Variants in DPPA2 observed in about 807,000 individuals in gnomAD.
The protein encoded by DPPA2 is developmental pluripotency-associated protein 2.
DPPA2 carries 26 observed loss-of-function variants against 36.2 expected under a neutral mutation model. That is an observed-to-expected ratio of 0.72 (90% CI 0.53 to 1.00). The LOEUF (loss-of-function observed/expected upper bound fraction) is 1.00, where lower values mean the gene tolerates loss of function less well. Ranked by LOEUF, DPPA2 falls within the 50% of genes least tolerant of loss-of-function variation. The pLI is 0.00. For missense variants in DPPA2, 361 were observed against 365.1 expected (o/e 0.99, Z 0.09); for synonymous variants, 113 against 123.2 (o/e 0.92, Z 0.55).
chr3:109,304,441 G>A (rs763914726), intron 7 of DPPA2, 34 bp downstream of exon 7: 8 of 1,551,852 alleles, frequency 5.2e-6, no homozygotes, highest in Admixed American at 2.0e-5. Flanking sequence ...CTACTTTTCT[G>A]TGTGCCATGC....
chr3:109,300,675 A>T (rs1252194966), intron 7 of DPPA2, among the ~76,000 whole-genome samples: 1 of 152,004 alleles, frequency 6.6e-6, no homozygotes, highest in African/African-American at 2.4e-5. Flanking sequence ...TACAAAAATT[A>T]GCCGGTCATG....
chr3:109,295,038 C>CA (rs1054421385), intron 8 of DPPA2, among the ~76,000 whole-genome samples: 2 of 151,800 alleles, frequency 1.3e-5, no homozygotes, highest in East Asian at 3.9e-4. Flanking sequence ...AACAAAAAAC[C>CA]AAAAAACTGT....
intron 8 of DPPA2, chr3:109,295,356 C>T (rs1420488930): frequency 1.3e-5 from 2 of 151,550 alleles, no homozygotes; most frequent in African/African-American, 4.8e-5. Context: ...CTCGTCTCTA[C>T]TGAAAGTACA....
chr3:109,297,365 A>G (rs980401683), intron 8 of DPPA2, among the ~76,000 whole-genome samples: 2 of 152,100 alleles, frequency 1.3e-5, no homozygotes, highest in Non-Finnish European at 2.9e-5. Flanking sequence ...CTCTACTGAA[A>G]ATACAAAAAT....
chr3:109,310,719 T>C (rs1189823937), intron 3 of DPPA2, among the ~76,000 whole-genome samples: 2 of 151,952 alleles, frequency 1.3e-5, no homozygotes, highest in African/African-American at 2.4e-5. Flanking sequence ...TTGGCCAGGC[T>C]GGTCTCGAAC....
intron 3 of DPPA2, among the ~76,000 whole-genome samples, chr3:109,310,796 A>G (rs755792992): frequency 5.3e-5 from 8 of 150,254 alleles, no homozygotes; most frequent in Admixed American, 2.0e-4. Context: ...GAGCCACCGC[A>G]CCCAGCTTGC....
chr3:109,299,588 A>G (rs939938148), intron 8 of DPPA2, among the ~76,000 whole-genome samples: 1 of 151,372 alleles, frequency 6.6e-6, no homozygotes, highest in African/African-American at 2.4e-5. Flanking sequence ...TGGGAGGCGG[A>G]GGCAGGCGAA....
At chr3:109,296,315 A>T (rs1218328046) in intron 8 of DPPA2, among the ~76,000 whole-genome samples, 1 of 152,228 alleles carries the variant, frequency 6.6e-6, no homozygotes, top group Non-Finnish European at 1.5e-5. Context: ...GAACAAAGGT[A>T]AGAATTACAT....
chr3:109,300,922 AG>A (rs893304319), intron 7 of DPPA2, among the ~76,000 whole-genome samples: 2 of 151,762 alleles, frequency 1.3e-5, no homozygotes, highest in African/African-American at 4.8e-5. Context: ...TACTAAATAA[AG>A]GAAAAGGGTT....
At chr3:109,298,943 G>C (rs925758834) in intron 8 of DPPA2, among the ~76,000 whole-genome samples, 25 of 152,044 alleles carry the variant, frequency 1.6e-4, no homozygotes, top group Non-Finnish European at 2.9e-4. Context: ...CTACTTGGGA[G>C]GCTGAGGTGA....
intron 7 of DPPA2, among the ~76,000 whole-genome samples, chr3:109,303,404 CT>C (rs1196951124): frequency 2.7e-5 from 4 of 146,890 alleles, no homozygotes; most frequent in African/African-American, 1.0e-4. Context: ...GAGTTTCACT[CT>C]TGTTGCCCAG....
chr3:109,307,253 G>C (rs1036761270), intron 6 of DPPA2, among the ~76,000 whole-genome samples: 1 of 151,962 alleles, frequency 6.6e-6, no homozygotes, highest in African/African-American at 2.4e-5. Flanking sequence ...ACAGGCATGA[G>C]CCACCAAGCT....
chr3:109,310,285 C>CT (rs1451410672), intron 3 of DPPA2, among the ~76,000 whole-genome samples: 1 of 146,964 alleles, frequency 6.8e-6, no homozygotes, highest in Non-Finnish European at 1.5e-5. Context: ...ACCTGCAATC[C>CT]CAGCTCCAGC....
chr3:109,295,194 T>C (rs1317094913), intron 8 of DPPA2: 3 of 151,972 alleles, frequency 2.0e-5, no homozygotes, highest in Non-Finnish European at 4.4e-5. Flanking sequence ...TTGTTTCTAT[T>C]TGGTATTTGT....
chr3:109,309,225 C>G lies in DPPA2; in HGVS notation c.287G>C (p.Cys96Ser), dbSNP rs769621453. 3 of 1,614,182 alleles carry G rather than the reference C, an allele frequency of 1.9e-6. No homozygotes were observed. ...PTILPPINKVCRDTLRDWCQQ... is the reference protein window; with the variant it reads ...PTILPPINKVSRDTLRDWCQQ... ...ACACCAGTCCCGCAAAGTGTCCCGACACACCTTATTAATGGGAGGCAAAAT... is the reference window on the plus strand; with the variant it reads ...ACACCAGTCCCGCAAAGTGTCCCGAGACACCTTATTAATGGGAGGCAAAAT... The change falls in exon 4 of 9, where the codon TGT becomes TCT. Residue 96 changes from cysteine (C) to serine (S), a missense_variant. Physicochemically the swap from Cys to Ser is moderately radical, Grantham distance 112. Coordinates refer to ENST00000478945, the MANE Select transcript of DPPA2 (RefSeq NM_138815.4).
rs772864990 is a variant in DPPA2 at position 109,304,697 on chromosome 3, G to A, written c.659-27C>T. 17 of 1,550,946 alleles carry A rather than the reference G, an allele frequency of 1.1e-5. No homozygotes were observed. In the South Asian group the frequency reaches 2.1e-4, roughly 19 times the overall value. Reference sequence around the variant, plus strand: ...TGGAAAGGAAAAACAAATATAGACAGCAAAAATCAAGATAGCACCCCAACA... The same window carrying A: ...TGGAAAGGAAAAACAAATATAGACAACAAAAATCAAGATAGCACCCCAACA... On this transcript the variant is annotated intron_variant, in intron 6 of 8. Coordinates refer to ENST00000478945, the MANE Select transcript of DPPA2 (RefSeq NM_138815.4).
At chr3:109,314,620 CT>C in intron 1 of DPPA2, 65 bp from the exon 2 acceptor site, 1 of 1,452,448 alleles carries the variant, frequency 6.9e-7, no homozygotes, top group East Asian at 2.3e-5. Flanking sequence ...CTGCTTTCTC[CT>C]TTTATAAGCA....
rs1416427598 is a variant in DPPA2, at chr3:109,312,696, G to GA, written c.34-5dup. 4 of 1,612,586 alleles carry GA rather than the reference G, an allele frequency of 2.5e-6. No homozygotes were observed. Among genetic ancestry groups the GA allele is most frequent in the Non-Finnish European group, 1.7e-6 (2 of 1,178,968 alleles). ...CTACTTCCCCCTCCAAGAAATTCTG[G>GA]AAAGAGAAGTCAGTCACTGATTTTC... On this transcript the variant is annotated splice_polypyrimidine_tract_variant and splice_region_variant and intron_variant, in intron 2 of 8. Transcript: ENST00000478945.
chr3:109,299,379 A>G (rs887036623), intron 8 of DPPA2, among the ~76,000 whole-genome samples: 2 of 151,690 alleles, frequency 1.3e-5, no homozygotes, highest in Non-Finnish European at 2.9e-5. Context: ...GTGTGGTGGC[A>G]CATGCCTGTA....
Sources: gnomAD v4.1 joint callset for allele counts (sites outside exome capture counted in the v4.1 genomes callset) on GRCh38, gnomAD v4.1.1 for gene constraint, MANE v1.5 for transcripts, NCBI Gene and HGNC (gene_info 2026-07-23, HGNC 2026-07-21) for gene names.